The following DOCK4 variants were observed in gnomAD, a reference collection of about 807,000 sequenced individuals.
DOCK4 encodes the protein dedicator of cytokinesis 4.
In DOCK4, 97 loss-of-function variants were observed where a neutral mutation model predicts 268.1. The observed-to-expected ratio is 0.36, with a 90% CI of 0.31 to 0.43. The LOEUF is 0.43. DOCK4 is among the 20% of genes least tolerant of loss of function. The pLI, the probability that DOCK4 is intolerant of heterozygous loss-of-function variation, is 1.00. For synonymous variants in DOCK4, 954 were observed against 887.2 expected, an observed-to-expected ratio of 1.08 and a Z score of -1.34; for missense variants, 2,145 against 2,455.7, an observed-to-expected ratio of 0.87 and a Z score of 2.67.
intron 30 of DOCK4, among the ~76,000 whole-genome samples, chr7:111,797,004 T>C (rs1333711039): frequency 6.6e-6 from 1 of 152,192 alleles, no homozygotes; most frequent in Non-Finnish European, 1.5e-5. Context: ...CTCTGGGTCA[T>C]ACAGAAACGA....
intron 37 of DOCK4, among the ~76,000 whole-genome samples, chr7:111,767,524 C>T (rs1422515521): frequency 1.3e-5 from 2 of 152,094 alleles, no homozygotes; most frequent in African/African-American, 4.8e-5. Context: ...CGCGCCCGTC[C>T]ACTTCTTAAT....
intron 30 of DOCK4, among the ~76,000 whole-genome samples, chr7:111,795,872 C>T (rs569282140): frequency 6.6e-6 from 1 of 152,302 alleles, no homozygotes; most frequent in Admixed American, 6.5e-5. Flanking sequence ...ACAGAGGCCA[C>T]TGGTTTGAAC....
At chr7:111,759,495 T>C (rs1797243523) in intron 40 of DOCK4, among the ~76,000 whole-genome samples, 2 of 152,224 alleles carry the variant, frequency 1.3e-5, no homozygotes, top group Non-Finnish European at 2.9e-5. Context: ...TCTTGCATTT[T>C]GGTTTCTGCT....
chr7:111,808,697 T>C (rs559372741), intron 30 of DOCK4, 124 bp downstream of exon 30: 3 of 925,430 alleles, frequency 3.2e-6, no homozygotes, highest in South Asian at 3.4e-5. Flanking sequence ...TTTCTATAGA[T>C]GTTTATTGAT....
chr7:112,166,714 T>C (rs142395782), intron 1 of DOCK4, among the ~76,000 whole-genome samples: 2,694 of 152,362 alleles, frequency 0.018, 42 homozygotes, highest in Middle Eastern at 0.054. Context: ...ATTCCTAACA[T>C]GTTTTTACTT....
intron 30 of DOCK4, among the ~76,000 whole-genome samples, chr7:111,806,503 T>C (rs1202643247): frequency 6.6e-6 from 1 of 152,148 alleles, no homozygotes; most frequent in Non-Finnish European, 1.5e-5. Context: ...AAGTAAAAAT[T>C]TACGCTGACC....
Position 111,735,160 on chromosome 7 carries a change from G to A in DOCK4, c.5313C>T (p.Asn1771=). Reference sequence around the variant, plus strand: ...CCAGGCTCCAGCTGCTAGGGGTGGGGTTCACAGCTGGAAGGGAATAACACA... The same window carrying A: ...CCAGGCTCCAGCTGCTAGGGGTGGGATTCACAGCTGGAAGGGAATAACACA... ...PNLSAPEKAV[N]PTPSSWSLDS... Residue 1771 remains asparagine, a synonymous_variant, in exon 51 of 53, where the codon AAC becomes AAT. Coordinates refer to ENST00000428084, the MANE Select transcript of DOCK4 (RefSeq NM_001363540.2). 1.3e-6 allele frequency: 2 copies of A among 1,582,806 alleles called. No individual in the cohort carries two copies. Among genetic ancestry groups the A allele is most frequent in the Non-Finnish European group, 1.7e-6 (2 of 1,163,526 alleles).
chr7:112,067,133 C>T (rs371738460), intron 1 of DOCK4, among the ~76,000 whole-genome samples: 88 of 151,106 alleles, frequency 5.8e-4, no homozygotes, highest in African/African-American at 2.0e-3. Context: ...GAGCCAAGAT[C>T]GTGCCACTGC....
chr7:112,171,972 T>C (rs1474777776), intron 1 of DOCK4, among the ~76,000 whole-genome samples: 1 of 152,188 alleles, frequency 6.6e-6, no homozygotes, highest in Non-Finnish European at 1.5e-5. Context: ...CACGCATCCC[T>C]GGTGTCTCCT....
At chr7:112,173,771 T>G (rs1306000993) in intron 1 of DOCK4, among the ~76,000 whole-genome samples, 1 of 152,120 alleles carries the variant, frequency 6.6e-6, no homozygotes, top group Non-Finnish European at 1.5e-5. Context: ...CCAAACATTT[T>G]CATTGGCAAT....
intron 1 of DOCK4, among the ~76,000 whole-genome samples, chr7:112,113,778 TGTA>T (rs1452535392): frequency 8.8e-6 from 1 of 113,452 alleles, no homozygotes; most frequent in Non-Finnish European, 1.8e-5. Context: ...TTTTTTTTTT[TGTA>T]GAGACAGTCT....
intron 1 of DOCK4, among the ~76,000 whole-genome samples, chr7:112,029,165 A>C (rs750772421): frequency 6.6e-6 from 1 of 152,170 alleles, no homozygotes; most frequent in Non-Finnish European, 1.5e-5. Flanking sequence ...ACTGGCGTCC[A>C]CTGGATCCAA....
intron 1 of DOCK4, among the ~76,000 whole-genome samples, chr7:112,084,148 C>T (rs553099646): frequency 6.6e-6 from 1 of 152,118 alleles, no homozygotes; most frequent in Non-Finnish European, 1.5e-5. Context: ...AGAGTCATGC[C>T]GTCAGGCCTG....
At chr7:112,081,279 G>A (rs1808560117) in intron 1 of DOCK4, among the ~76,000 whole-genome samples, 1 of 152,144 alleles carries the variant, frequency 6.6e-6, no homozygotes, top group East Asian at 1.9e-4. Flanking sequence ...GTTTCCACAT[G>A]ACAGCTACTT....
intron 25 of DOCK4, among the ~76,000 whole-genome samples, chr7:111,841,623 G>A (rs553939365): frequency 2.6e-5 from 4 of 152,160 alleles, no homozygotes; most frequent in Non-Finnish European, 5.9e-5. Flanking sequence ...AATAATTTAT[G>A]TGTGTGTTTC....
chr7:112,089,787 G>A (rs189604838), intron 1 of DOCK4, among the ~76,000 whole-genome samples: 126 of 152,080 alleles, frequency 8.3e-4, no homozygotes, highest in Admixed American at 3.9e-4. Context: ...TTCCCCTTCC[G>A]CCATGATGAA....
intron 1 of DOCK4, among the ~76,000 whole-genome samples, chr7:112,037,286 C>T (rs1039710653): frequency 2.0e-5 from 3 of 152,286 alleles, no homozygotes; most frequent in Non-Finnish European, 2.9e-5. Flanking sequence ...GTATTAAATA[C>T]ATTTTCAACT....
chr7:112,015,166 G>T (rs1476145984), intron 1 of DOCK4, among the ~76,000 whole-genome samples: 1 of 152,156 alleles, frequency 6.6e-6, no homozygotes, highest in Admixed American at 6.5e-5. Flanking sequence ...AGATGGCAAC[G>T]AAACTGACCT....
At chr7:111,824,470 A>G (rs1802245125) in intron 26 of DOCK4, among the ~76,000 whole-genome samples, 1 of 152,186 alleles carries the variant, frequency 6.6e-6, no homozygotes. Context: ...GGAACAGTAC[A>G]AATAAATTCT....
Sources: gnomAD v4.1 joint callset for allele counts (sites outside exome capture counted in the v4.1 genomes callset) on GRCh38, gnomAD v4.1.1 for gene constraint, MANE v1.5 for transcripts, NCBI Gene and HGNC (gene_info 2026-07-23, HGNC 2026-07-21) for gene names.